Variants in MAST4 observed in about 807,000 individuals in gnomAD.
The protein encoded by MAST4 is microtubule-associated serine/threonine-protein kinase 4.
MAST4 carries 89 observed loss-of-function variants against 162.7 expected under a neutral mutation model. The ratio of observed to expected loss-of-function variants is 0.55; its 90% CI spans 0.46 to 0.65. The LOEUF is 0.65. Among genes scored for constraint, MAST4 ranks in the 30% least tolerant of loss-of-function variants. The pLI is 0.00. For missense variants in MAST4, 3,153 were observed against 3,374.0 expected (o/e 0.93, Z 1.62); for synonymous variants, 1,479 against 1,361.1 (o/e 1.09, Z -1.91).
At chr5:66,742,774 G>A (rs547710455) in intron 1 of MAST4, among the ~76,000 whole-genome samples, 1 of 152,268 alleles carries the variant, frequency 6.6e-6, no homozygotes, top group African/African-American at 2.4e-5. Flanking sequence ...GCAAGCGGAG[G>A]TGTCAGGCCT....
At chr5:67,149,756 T>C (rs1771576772) in intron 24 of MAST4, among the ~76,000 whole-genome samples, 167 bp downstream of exon 24, 1 of 152,250 alleles carries the variant, frequency 6.6e-6, no homozygotes, top group South Asian at 2.1e-4. Flanking sequence ...GAATTCTTCC[T>C]GCAGGATTTG....
intron 4 of MAST4, among the ~76,000 whole-genome samples, chr5:66,965,780 C>CT (rs1314436217): frequency 6.6e-6 from 1 of 152,014 alleles, no homozygotes; most frequent in Non-Finnish European, 1.5e-5. Flanking sequence ...TATGTAAGGC[C>CT]TTGAATACTA....
At chr5:66,939,694 C>G (rs1743154873) in intron 4 of MAST4, among the ~76,000 whole-genome samples, 1 of 150,906 alleles carries the variant, frequency 6.6e-6, no homozygotes, top group Admixed American at 6.6e-5. Flanking sequence ...TATTTTACAA[C>G]AAATCTGGAT....
chr5:67,020,874 G>A (rs1044141352), intron 4 of MAST4, among the ~76,000 whole-genome samples: 1 of 152,246 alleles, frequency 6.6e-6, no homozygotes, highest in Non-Finnish European at 1.5e-5. Context: ...TTTGTGTACC[G>A]ACCTTTATTA....
chr5:66,954,529 C>G (rs1156686498), intron 4 of MAST4, among the ~76,000 whole-genome samples: 21 of 151,954 alleles, frequency 1.4e-4, no homozygotes. Context: ...ACACAACACA[C>G]TTGCCTTCTT....
chr5:67,123,405 G>A (rs184901668), intron 14 of MAST4, among the ~76,000 whole-genome samples: 65 of 152,316 alleles, frequency 4.3e-4, no homozygotes, highest in Admixed American at 1.5e-3. Context: ...GAAGTTAAAC[G>A]TGTCTTTTTG....
chr5:67,039,122 A>G (rs1354373877), intron 4 of MAST4, among the ~76,000 whole-genome samples: 1 of 152,186 alleles, frequency 6.6e-6, no homozygotes, highest in Non-Finnish European at 1.5e-5. Context: ...GATGTATTTT[A>G]CCCTTTCAAT....
chr5:66,599,396 A>C (rs1379210536), intron 1 of MAST4, among the ~76,000 whole-genome samples: 1 of 152,060 alleles, frequency 6.6e-6, no homozygotes, highest in Non-Finnish European at 1.5e-5. Context: ...CGTGGGTTTG[A>C]TTTCTAGCTC....
chr5:66,921,968 G>T (rs533008773), intron 4 of MAST4, among the ~76,000 whole-genome samples: 1 of 152,112 alleles, frequency 6.6e-6, no homozygotes, highest in Non-Finnish European at 1.5e-5. Context: ...GTCTCAAAAT[G>T]AAATGCCACC....
At position 67,138,691 on chromosome 5, in the gene MAST4, C is replaced by T. The variant is rs559661308; in HGVS notation, c.2494+2027C>T. Among the ~76,000 whole-genome samples, 7 of 152,298 alleles carry T rather than the reference C, an allele frequency of 4.6e-5. No individual in the cohort carries two copies. In the East Asian group the frequency reaches 1.4e-3, roughly 29 times the overall value. Reference sequence around the variant, plus strand: ...TCAAGTGATCCACCCACCTCGGCCTCCCAAAGTGCTGGGATTACAGACATG... The same window carrying T: ...TCAAGTGATCCACCCACCTCGGCCTTCCAAAGTGCTGGGATTACAGACATG... On this transcript the variant is annotated intron_variant, in intron 19 of 28. Coordinates refer to ENST00000403625, the MANE Select transcript of MAST4 (RefSeq NM_001164664.2).
At chr5:66,640,426 GC>G (rs1745416872) in intron 1 of MAST4, among the ~76,000 whole-genome samples, 1 of 151,674 alleles carries the variant, frequency 6.6e-6, no homozygotes, top group South Asian at 2.1e-4. Context: ...TCCTGCCTCA[GC>G]CTCCCCAGTA....
chr5:66,976,976 A>G (rs1037215929), intron 4 of MAST4, among the ~76,000 whole-genome samples: 1 of 152,194 alleles, frequency 6.6e-6, no homozygotes, highest in African/African-American at 2.4e-5. Context: ...TATAGACATC[A>G]TGTAGAGAGT....
At chr5:66,611,495 C>G (rs1743285207) in intron 1 of MAST4, among the ~76,000 whole-genome samples, 1 of 152,212 alleles carries the variant, frequency 6.6e-6, no homozygotes, top group Admixed American at 6.5e-5. Flanking sequence ...GCAATTTGTT[C>G]TTCTAAGAGA....
chr5:67,096,281 G>T (rs1773196172), intron 7 of MAST4, among the ~76,000 whole-genome samples: 1 of 152,168 alleles, frequency 6.6e-6, no homozygotes, highest in Non-Finnish European at 1.5e-5. Context: ...TTCAACAAGA[G>T]ACCTAGCAAT....
chr5:67,153,460 T>C lies in MAST4; in HGVS notation c.3528T>C (p.Asn1176=). The C allele has an allele frequency of 6.2e-7, 1 of 1,603,606 alleles. No individual in the cohort carries two copies. The highest frequency in any genetic ancestry group is 1.7e-4 in the Middle Eastern group (1 of 6,052). The stretch of plus-strand genomic sequence containing the variant: ...TATCCTCTCCTCTTGGACTTTAGAA[T>C]GTAGAAGAAGGAAGTCCGGCATGCC... ...DIYTVHHIVW[N]VEEGSPACQA... is the part of the protein sequence containing the mutation. Residue 1176 remains asparagine, a splice_region_variant and synonymous_variant, in exon 26 of 29, where the codon AAT becomes AAC. Coordinates refer to ENST00000403625, the MANE Select transcript of MAST4 (RefSeq NM_001164664.2).
At chr5:66,836,410 G>T (rs1341253482) in intron 3 of MAST4, among the ~76,000 whole-genome samples, 1 of 152,108 alleles carries the variant, frequency 6.6e-6, no homozygotes, top group African/African-American at 2.4e-5. Context: ...ATTTAAAATA[G>T]AACTACCATT....
chr5:66,890,464 G>A (rs567636050), intron 3 of MAST4, among the ~76,000 whole-genome samples: 2 of 152,298 alleles, frequency 1.3e-5, no homozygotes, highest in African/African-American at 2.4e-5. Flanking sequence ...AAGGAAGCTT[G>A]TTTCATTTGT....
At chr5:66,871,582 T>C (rs1760931793) in intron 3 of MAST4, among the ~76,000 whole-genome samples, 1 of 152,226 alleles carries the variant, frequency 6.6e-6, no homozygotes, top group South Asian at 2.1e-4. Context: ...GCCAGTTCTG[T>C]GTAACAGACT....
chr5:67,025,683 A>G (rs1754554375), intron 4 of MAST4, among the ~76,000 whole-genome samples: 1 of 152,232 alleles, frequency 6.6e-6, no homozygotes, highest in Non-Finnish European at 1.5e-5. Context: ...TTACCTGGTC[A>G]GCACTCCAGT....
Sources: allele counts gnomAD v4.1 joint callset (sites outside exome capture counted in the v4.1 genomes callset), GRCh38; gene constraint gnomAD v4.1.1; transcripts MANE v1.5; gene names NCBI Gene and HGNC (gene_info 2026-07-23, HGNC 2026-07-21).